Variants in NKAIN2 observed in about 807,000 individuals in gnomAD.
NKAIN2 encodes the protein sodium/potassium transporting ATPase interacting 2.
Under a neutral mutation model 32.6 loss-of-function variants are expected in NKAIN2, and 14 were observed. The ratio of observed to expected loss-of-function variants is 0.43; its 90% CI spans 0.28 to 0.67. NKAIN2 has a LOEUF of 0.67. Among genes scored for constraint, NKAIN2 ranks in the 30% least tolerant of loss-of-function variants. The probability of loss-of-function intolerance (pLI) is 0.17; values close to 1 mark genes in which losing one functional copy is unlikely to be tolerated. For synonymous variants in NKAIN2, 80 were observed against 87.2 expected (o/e 0.92, Z 0.46); for missense variants, 198 against 258.3 (o/e 0.77, Z 1.60).
chr6:124,249,787 G>A (rs1410085044), intron 1 of NKAIN2, among the ~76,000 whole-genome samples: 2 of 152,158 alleles, frequency 1.3e-5, no homozygotes, highest in African/African-American at 2.4e-5. Flanking sequence ...GAAGCACAGA[G>A]AACAGAAGTT....
At chr6:124,186,998 T>C (rs887469550) in intron 1 of NKAIN2, among the ~76,000 whole-genome samples, 6 of 152,144 alleles carry the variant, frequency 3.9e-5, no homozygotes, top group African/African-American at 1.4e-4. Context: ...TAAACTGAAC[T>C]CTATATTTGC....
intron 3 of NKAIN2, among the ~76,000 whole-genome samples, chr6:124,382,723 T>C (rs1772702021): frequency 6.6e-6 from 1 of 152,190 alleles, no homozygotes; most frequent in African/African-American, 2.4e-5. Context: ...TAATGCACTG[T>C]CTCAAGGTGA....
Position 124,739,391 on chromosome 6 carries a change from C to CTGTGTG in NKAIN2, c.475-51938_475-51933dup, listed in dbSNP as rs146249002. On this transcript the variant is annotated intron_variant, in intron 4 of 6. Transcript: ENST00000368417. Reference sequence around the variant, plus strand: ...AGGAGATTAGAGACTCTGTCTTATTCTGTGTGTGTGTGTGTTTGTGTATGC... The same window carrying CTGTGTG: ...AGGAGATTAGAGACTCTGTCTTATTCTGTGTGTGTGTGTGTGTGTGTTTGTGTATGC... Among the ~76,000 whole-genome samples, 342 of 151,436 alleles carry CTGTGTG rather than the reference C, an allele frequency of 2.3e-3. 1 individual carries two copies. Among genetic ancestry groups the CTGTGTG allele is most frequent in the Admixed American group, 4.3e-3 (66 of 15,182 alleles).
intron 3 of NKAIN2, among the ~76,000 whole-genome samples, chr6:124,474,636 T>C (rs1409918840): frequency 2.0e-5 from 3 of 151,890 alleles, no homozygotes; most frequent in Non-Finnish European, 4.4e-5. Context: ...TACTAAGTTT[T>C]AAATATTTGT....
intron 3 of NKAIN2, among the ~76,000 whole-genome samples, chr6:124,472,031 A>G (rs578215): frequency 0.77 from 116,349 of 151,398 alleles, 44,791 homozygotes; most frequent in African/African-American, 0.79. Context: ...AGGATCCCCA[A>G]TTTCTTTTCA....
intron 4 of NKAIN2, among the ~76,000 whole-genome samples, chr6:124,701,950 G>GCTAA (rs1431717163): frequency 2.0e-5 from 3 of 152,044 alleles, no homozygotes; most frequent in Non-Finnish European, 4.4e-5. Context: ...GGGCATTTGT[G>GCTAA]CTAACCTCTG....
intron 5 of NKAIN2, among the ~76,000 whole-genome samples, chr6:124,808,959 C>A (rs9385350): frequency 0.21 from 32,489 of 151,976 alleles, 4,006 homozygotes; most frequent in East Asian, 0.59. Flanking sequence ...AGAACTACAA[C>A]CCACTGCTCA....
intron 4 of NKAIN2, among the ~76,000 whole-genome samples, chr6:124,704,212 AAATT>A (rs1379062849): frequency 6.6e-6 from 1 of 152,000 alleles, no homozygotes; most frequent in Non-Finnish European, 1.5e-5. Context: ...TGAAGAATAA[AAATT>A]AATATATTCA....
intron 4 of NKAIN2, among the ~76,000 whole-genome samples, chr6:124,709,097 C>T (rs1449421371): frequency 8.0e-6 from 1 of 124,250 alleles, no homozygotes; most frequent in Admixed American, 8.0e-5. Context: ...TTGAGATAAT[C>T]ATGTGGTTTT....
chr6:124,443,310 G>T (rs1371973973), intron 3 of NKAIN2, among the ~76,000 whole-genome samples: 2 of 152,196 alleles, frequency 1.3e-5, no homozygotes, highest in Non-Finnish European at 2.9e-5. Flanking sequence ...AGTGAACAAA[G>T]ATGATATTCT....
intron 3 of NKAIN2, among the ~76,000 whole-genome samples, chr6:124,433,863 C>T (rs1562181859): frequency 2.0e-5 from 3 of 152,142 alleles, no homozygotes; most frequent in African/African-American, 4.8e-5. Flanking sequence ...CACTTGTAAA[C>T]CACAAAAGCA....
At chr6:124,083,926 G>A (rs1007845860) in intron 1 of NKAIN2, among the ~76,000 whole-genome samples, 1 of 151,942 alleles carries the variant, frequency 6.6e-6, no homozygotes, top group Non-Finnish European at 1.5e-5. Context: ...AAACTAAAGA[G>A]GGGACAGATT....
chr6:124,182,527 G>A (rs1205443687), intron 1 of NKAIN2, among the ~76,000 whole-genome samples: 2 of 151,914 alleles, frequency 1.3e-5, no homozygotes, highest in Non-Finnish European at 2.9e-5. Flanking sequence ...TTGGTGTGTT[G>A]GATTGATTTT....
chr6:124,057,129 T>TA (rs1782692259), intron 1 of NKAIN2, among the ~76,000 whole-genome samples: 1 of 152,062 alleles, frequency 6.6e-6, no homozygotes, highest in Non-Finnish European at 1.5e-5. Flanking sequence ...GCTAAGTAAA[T>TA]ATATAGGCAC....
At chr6:123,930,436 T>TA (rs1776202433) in intron 1 of NKAIN2, among the ~76,000 whole-genome samples, 11 of 152,198 alleles carry the variant, frequency 7.2e-5, no homozygotes, top group Non-Finnish European at 1.2e-4. Context: ...TTCTTGATTA[T>TA]ACTGCATATG....
intron 3 of NKAIN2, among the ~76,000 whole-genome samples, chr6:124,381,535 G>A (rs1313235543): frequency 6.6e-6 from 1 of 152,080 alleles, no homozygotes; most frequent in Non-Finnish European, 1.5e-5. Flanking sequence ...GCGTGTTACA[G>A]CCCTTAACTA....
chr6:124,208,154 A>G (rs1229526152), intron 1 of NKAIN2, among the ~76,000 whole-genome samples: 6 of 151,904 alleles, frequency 3.9e-5, no homozygotes, highest in Non-Finnish European at 5.9e-5. Flanking sequence ...TTCTGGCTCT[A>G]TTAGCAGGCT....
chr6:124,681,232 G>T (rs920470017), intron 4 of NKAIN2, among the ~76,000 whole-genome samples: 2 of 151,748 alleles, frequency 1.3e-5, no homozygotes, highest in Non-Finnish European at 2.9e-5. Flanking sequence ...ATAACCTAGG[G>T]CTCTACTTAT....
intron 1 of NKAIN2, among the ~76,000 whole-genome samples, chr6:123,946,244 G>A (rs957537254): frequency 2.0e-5 from 3 of 152,056 alleles, no homozygotes; most frequent in African/African-American, 7.2e-5. Context: ...CAGAATGAAC[G>A]TCTTCAATTT....
Sources: allele counts gnomAD v4.1 joint callset (sites outside exome capture counted in the v4.1 genomes callset), GRCh38; gene constraint gnomAD v4.1.1; transcripts MANE v1.5; gene names NCBI Gene and HGNC (gene_info 2026-07-23, HGNC 2026-07-21).